Variants in DIP2C observed in about 807,000 individuals in gnomAD.
DIP2C encodes the protein DIP2 acetate--CoA ligase C (putative).
A neutral mutation model predicts 192.4 loss-of-function variants in DIP2C; 33 were observed. The ratio of observed to expected loss-of-function variants is 0.17; its 90% CI spans 0.13 to 0.23. DIP2C has a LOEUF of 0.23. Among genes scored for constraint, DIP2C ranks in the 10% least tolerant of loss-of-function variants. The pLI, the probability that DIP2C is intolerant of heterozygous loss-of-function variation, is 1.00. For synonymous variants in DIP2C, 979 were observed against 864.1 expected, an observed-to-expected ratio of 1.13 and a Z score of -2.33; for missense variants, 1,537 against 2,110.1, an observed-to-expected ratio of 0.73 and a Z score of 5.32.
chr10:340,608 A>G (rs1389448239), intron 29 of DIP2C: 1 of 360,810 alleles, frequency 2.8e-6, no homozygotes, highest in Non-Finnish European at 5.5e-6. Flanking sequence ...TAATTTCTAC[A>G]ATGAACATGT....
intron 34 of DIP2C, among the ~76,000 whole-genome samples, chr10:285,119 C>T (rs1163287192): frequency 8.3e-6 from 1 of 120,580 alleles, no homozygotes; most frequent in African/African-American, 3.4e-5. Context: ...TCTGATCTTT[C>T]ATGTATGTGA....
intron 1 of DIP2C, among the ~76,000 whole-genome samples, chr10:680,565 G>A (rs1391884974): frequency 6.6e-6 from 1 of 152,168 alleles, no homozygotes; most frequent in South Asian, 2.1e-4. Context: ...GCCCAGTGAC[G>A]TTTCTGTTTT....
At chr10:304,436 C>T (rs1589432064) in intron 32 of DIP2C, among the ~76,000 whole-genome samples, 1 of 152,144 alleles carries the variant, frequency 6.6e-6, no homozygotes, top group Non-Finnish European at 1.5e-5. Context: ...CCACAGACAG[C>T]CCAGCTCTCA....
Position 422,788 on chromosome 10 carries a change from C to T in DIP2C, c.604+36G>A, listed in dbSNP as rs201094420. ...ATGTGCACACACAAAGGCGTTTACA[C>T]AACAGGCACAGAAAGACACCGTGAA... On this transcript the variant is annotated intron_variant, in intron 5 of 36. Coordinates refer to ENST00000280886, the MANE Select transcript of DIP2C (RefSeq NM_014974.3). 6.8e-5 allele frequency: 109 copies of T among 1,593,054 alleles called. 1 individual carries two copies. In the South Asian group the frequency reaches 1.1e-3, roughly 16 times the overall value.
chr10:527,976 C>T (rs1847156130), intron 1 of DIP2C, among the ~76,000 whole-genome samples: 1 of 152,156 alleles, frequency 6.6e-6, no homozygotes, highest in African/African-American at 2.4e-5. Flanking sequence ...TGGCCACTCT[C>T]ACCCTAAGCC....
At chr10:491,214 C>T (rs576085799) in intron 1 of DIP2C, among the ~76,000 whole-genome samples, 5 of 152,326 alleles carry the variant, frequency 3.3e-5, no homozygotes, top group African/African-American at 7.2e-5. Flanking sequence ...ATGAAAGAAA[C>T]GGGCCACAGA....
At chr10:336,812 C>A (rs1957790067) in intron 29 of DIP2C, among the ~76,000 whole-genome samples, 1 of 151,132 alleles carries the variant, frequency 6.6e-6, no homozygotes, top group Non-Finnish European at 1.5e-5. Context: ...CACCCTGGCC[C>A]TGTGGAGGCC....
intron 23 of DIP2C, among the ~76,000 whole-genome samples, chr10:357,241 C>T (rs926597359): frequency 1.3e-5 from 2 of 152,228 alleles, no homozygotes; most frequent in African/African-American, 4.8e-5. Context: ...GCACAATGTG[C>T]AAAGTCTGGG....
rs1452824004 is a variant in DIP2C at position 286,338 on chromosome 10, C to T, written c.4054G>A (p.Gly1352Arg). The change falls in exon 34 of 37, where the codon GGG becomes AGG. Residue 1352 changes from glycine (G) to arginine (R), a missense_variant. By Grantham distance (125) the Gly-to-Arg change is moderately radical (BLOSUM62 -2). Around this residue, in one of 4 missense-constraint regions of DIP2C, gnomAD observed 341 missense variants for 551.7 expected, o/e 0.62. Transcript: ENST00000280886. The part of the protein sequence containing the change: ...PLMESGKILP[G>R]VRIIIANPET... ...GGGTTGGCAATTATAATCCGAACCC[C>T]TGGAAGTATCTATTTGGGAGAGGAA... 1 of 1,614,124 alleles carries T rather than the reference C, an allele frequency of 6.2e-7. No individual in the cohort carries two copies. The highest frequency in any genetic ancestry group is 2.2e-5 in the East Asian group (1 of 44,890).
At chr10:476,866 G>A (rs1264294580) in intron 2 of DIP2C, among the ~76,000 whole-genome samples, 1 of 151,882 alleles carries the variant, frequency 6.6e-6, no homozygotes, top group African/African-American at 2.4e-5. Flanking sequence ...GCAAGGAAAA[G>A]CTATCAAGGT....
Position 689,487 on chromosome 10 carries a change from C to A in DIP2C, c.85+7G>T. On this transcript the variant is annotated splice_region_variant and intron_variant, in intron 1 of 36. Coordinates refer to ENST00000280886, the MANE Select transcript of DIP2C (RefSeq NM_014974.3). The surrounding 1 kb of genome is among the most constrained non-coding windows in gnomAD (Gnocchi z 6.1). ...CGCGGCCCGGCCCGGGGCGGGGGCC[C>A]GGTTACCTTCCGACAGCTCCAGCTC... 8.1e-7 allele frequency: 1 copy of A among 1,227,990 alleles called. No individual in the cohort carries two copies. Among genetic ancestry groups the A allele is most frequent in the Non-Finnish European group, 1.0e-6 (1 of 967,432 alleles). The allele number at this position is 1,227,990 out of a possible 1,614,324, so 76.1% of individuals were successfully genotyped here.
chr10:463,913 A>T (rs1969994147), intron 3 of DIP2C, among the ~76,000 whole-genome samples: 1 of 152,214 alleles, frequency 6.6e-6, no homozygotes, highest in Non-Finnish European at 1.5e-5. Context: ...CCTATTTAAT[A>T]AATGGTGTTG....
chr10:569,160 A>G (rs1175530123), intron 1 of DIP2C, among the ~76,000 whole-genome samples: 1 of 152,206 alleles, frequency 6.6e-6, no homozygotes. Context: ...AAGTTTTAAC[A>G]AAAGAAAAAG....
chr10:568,161 G>A (rs1325070830), intron 1 of DIP2C, among the ~76,000 whole-genome samples: 1 of 152,214 alleles, frequency 6.6e-6, no homozygotes, highest in South Asian at 2.1e-4. Context: ...GCCCCCAAAA[G>A]GGAGGAGTGC....
chr10:295,232 C>CA (rs779884025), intron 32 of DIP2C, among the ~76,000 whole-genome samples: 4 of 151,992 alleles, frequency 2.6e-5, no homozygotes, highest in Non-Finnish European at 4.4e-5. Flanking sequence ...AGGCAAAAGT[C>CA]AAAACTACAA....
At chr10:557,780 AGGGGGCGGG>A (rs1848973566) in intron 1 of DIP2C, among the ~76,000 whole-genome samples, 1 of 52,290 alleles carries the variant, frequency 1.9e-5, no homozygotes, top group Admixed American at 2.1e-4. Context: ...ATGGGCGGGG[AGGGGGCGGG>A]GGCAGGGGCA....
chr10:384,765 C>G, intron 14 of DIP2C, 126 bp from the exon 15 acceptor site: 1 of 888,458 alleles, frequency 1.1e-6, no homozygotes, highest in Non-Finnish European at 1.8e-6. Flanking sequence ...CTGCAGACAC[C>G]ATGCACACAG....
chr10:376,621 G>A (rs1398467421), intron 17 of DIP2C, among the ~76,000 whole-genome samples: 1 of 151,102 alleles, frequency 6.6e-6, no homozygotes, highest in East Asian at 1.9e-4. Context: ...ACCACCAAAG[G>A]TTTCTCTTTT....
chr10:342,151 C>T (rs1393821484), intron 28 of DIP2C, among the ~76,000 whole-genome samples: 3 of 151,900 alleles, frequency 2.0e-5, no homozygotes, highest in African/African-American at 7.3e-5. Context: ...TCTCGTGTAA[C>T]CCACTCTCTC....
Sources: gnomAD v4.1 joint callset for allele counts (sites outside exome capture counted in the v4.1 genomes callset) on GRCh38, gnomAD v4.1.1 for gene constraint, gnomAD v4.1.1 regional missense constraint, Gnocchi (gnomAD v3.1) non-coding constraint, MANE v1.5 for transcripts, NCBI Gene and HGNC (gene_info 2026-07-23, HGNC 2026-07-21) for gene names.